Variants in CLHC1 observed in about 807,000 individuals in gnomAD.
CLHC1 encodes the protein clathrin heavy chain linker domain containing 1, also known as clathrin heavy chain linker domain-containing protein 1.
A neutral mutation model predicts 69.5 loss-of-function variants in CLHC1; 72 were observed. The observed-to-expected ratio is 1.04, with a 90% confidence interval of 0.86 to 1.26. CLHC1 has a LOEUF of 1.26. Ranked by LOEUF, CLHC1 falls within the 50% of genes most tolerant of loss-of-function variation. The probability of loss-of-function intolerance (pLI) is 0.00; values close to 1 mark genes in which losing one functional copy is unlikely to be tolerated. For missense variants in CLHC1, 790 were observed against 679.3 expected (o/e 1.16, Z -1.81); for synonymous variants, 223 against 224.3 (o/e 0.99, Z 0.05).
chr2:55,223,764 G>A (rs916444616), intron 2 of CLHC1, among the ~76,000 whole-genome samples: 2 of 152,080 alleles, frequency 1.3e-5, no homozygotes, highest in Admixed American at 6.5e-5. Context: ...AGAGAAGCAG[G>A]GTCAGGTTCA....
At chr2:55,204,542 C>A (rs145505609) in intron 9 of CLHC1, among the ~76,000 whole-genome samples, 6 of 152,048 alleles carry the variant, frequency 3.9e-5, no homozygotes, top group Non-Finnish European at 8.8e-5. Context: ...ACAACCACTA[C>A]GGAAAACACT....
chr2:55,188,589 C>T (rs1402568296), intron 9 of CLHC1, among the ~76,000 whole-genome samples: 3 of 152,040 alleles, frequency 2.0e-5, no homozygotes, highest in Non-Finnish European at 2.9e-5. Flanking sequence ...TCAGAGAGTT[C>T]AATCTTAGAT....
intron 9 of CLHC1, among the ~76,000 whole-genome samples, chr2:55,194,116 G>A (rs905623784): frequency 6.6e-6 from 1 of 152,000 alleles, no homozygotes; most frequent in Non-Finnish European, 1.5e-5. Flanking sequence ...GTTTGGAGAG[G>A]AAGAAGAGGC....
At chr2:55,206,912 C>G (rs1401151403) in intron 8 of CLHC1, 3 of 151,970 alleles carry the variant, frequency 2.0e-5, no homozygotes, top group African/African-American at 7.3e-5. Flanking sequence ...CGAGACCATC[C>G]TGGCTAAGAT....
chr2:55,180,863 T>C (rs1443601114), intron 10 of CLHC1, 151 bp from the exon 11 acceptor site: 5 of 618,100 alleles, frequency 8.1e-6, no homozygotes, highest in Non-Finnish European at 1.4e-5. Flanking sequence ...GATTATGTAA[T>C]TGAAATGATT....
Position 55,208,641 on chromosome 2 carries a change from A to C in CLHC1, c.884T>G (p.Leu295Arg), listed in dbSNP as rs762585120. ...AAATATTTGCCTTTCAATGTAGTGA[A>C]GCATAATTTCAGCTTCTTTTGCCCT... ...PRRAKEAEIM[L>R]HYIERFNELI... The change falls in exon 8 of 13, where the codon CTT becomes CGT. Residue 295 changes from leucine (L) to arginine (R), a missense_variant. Transcript: ENST00000401408. 1 of 1,606,422 alleles carries C rather than the reference A, an allele frequency of 6.2e-7. No homozygotes were observed. The highest frequency in any genetic ancestry group is 1.1e-5 in the South Asian group (1 of 90,760).
At chr2:55,187,864 T>C (rs891728092) in intron 9 of CLHC1, among the ~76,000 whole-genome samples, 1 of 152,102 alleles carries the variant, frequency 6.6e-6, no homozygotes, top group East Asian at 1.9e-4. Context: ...GATATCATAA[T>C]GAGAAAAGAT....
Position 55,175,983 on chromosome 2 carries a change from G to A in CLHC1, c.1568C>T (p.Ala523Val). Residue 523 changes from alanine to valine, a missense_variant, in exon 13 of 13, where the codon GCA (alanine) becomes GTA (valine). Ala to Val is a moderately conservative substitution (Grantham distance 64). Transcript: ENST00000401408. ...LQEINKGGID[A>V]VESLMINDSF... The stretch of plus-strand genomic sequence containing the variant: ...ATCATTTATCATAAGACTTTCTACT[G>A]CATCTGTGGGGAAAAAATACAATAT... 1 of 1,611,108 alleles carries A rather than the reference G, an allele frequency of 6.2e-7. No homozygotes were observed. The highest frequency in any genetic ancestry group is 8.5e-7 in the Non-Finnish European group (1 of 1,177,808).
At chr2:55,219,265 G>T (rs1464161732) in intron 3 of CLHC1, among the ~76,000 whole-genome samples, 3 of 152,132 alleles carry the variant, frequency 2.0e-5, no homozygotes, top group Non-Finnish European at 4.4e-5. Context: ...ATCATGATCA[G>T]CTCCCAAGTC....
chr2:55,214,235 C>G lies in CLHC1; in HGVS notation c.366-1429G>C, dbSNP rs377325150. 2.6e-3 allele frequency among the ~76,000 whole-genome samples: 391 copies of G among 152,220 alleles called. 1 individual carries two copies. Among genetic ancestry groups the G allele is most frequent in the African/African-American group, 9.1e-3 (378 of 41,518 alleles). ...AAATTAAAAACAAGTTTGGGCTGGG[C>G]GCGGTGGCTCATGCCTGTAATCCCA... On this transcript the variant is annotated intron_variant, in intron 4 of 12. Transcript: ENST00000401408.
rs1283095044 is a variant in CLHC1, at chr2:55,177,681, A to T, written c.1485T>A (p.Leu495=). The T allele has an allele frequency of 1.2e-6, 2 of 1,613,448 alleles. No homozygotes were observed. The highest frequency in any genetic ancestry group is 8.5e-7 in the Non-Finnish European group (1 of 1,179,494). The change falls in exon 12 of 13, where the codon CTT becomes CTA. Residue 495 remains leucine, a synonymous_variant. Transcript: ENST00000401408. ...NEKQPSLSFG[L]AILHLFSADM... Reference sequence around the variant, plus strand: ...CTGCAGAGAACAGATGAAGTATAGCAAGACCAAAAGATAAAGATGGTTGTT... The same window carrying T: ...CTGCAGAGAACAGATGAAGTATAGCTAGACCAAAAGATAAAGATGGTTGTT...
In CLHC1 at chr2:55,222,500, G is replaced by GA. The variant is rs552865658; in HGVS notation, c.-82-8dup. 3 of 856,164 alleles carry GA rather than the reference G, an allele frequency of 3.5e-6. No individual in the cohort carries two copies. Among genetic ancestry groups the GA allele is most frequent in the East Asian group, 2.6e-5 (1 of 37,752 alleles). 53.0% of individuals were successfully genotyped at this position (856,164 alleles called of 1,614,324 possible). A position where few individuals can be genotyped will look rare whatever the true frequency, so the allele number is the denominator to read the frequency against. ...AGCCAAAACTTTGATAAGCCTGAAA[G>GA]AAAAAAAGAGCATCAATTAATATAA... is the stretch of plus-strand genomic sequence containing the variant. On this transcript the variant is annotated splice_polypyrimidine_tract_variant and splice_region_variant and intron_variant, in intron 2 of 12. Transcript: ENST00000401408.
intron 9 of CLHC1, among the ~76,000 whole-genome samples, chr2:55,194,243 G>T (rs1480853235): frequency 6.6e-6 from 1 of 152,054 alleles, no homozygotes; most frequent in Non-Finnish European, 1.5e-5. Context: ...ATTAAATTTT[G>T]TGGAGTTTTT....
intron 2 of CLHC1, among the ~76,000 whole-genome samples, chr2:55,227,054 C>T (rs1674776926): frequency 6.6e-6 from 1 of 151,998 alleles, no homozygotes; most frequent in Admixed American, 6.6e-5. Flanking sequence ...TAAATACTGC[C>T]CATAGCCATA....
At chr2:55,182,318 T>A (rs915249474) in intron 9 of CLHC1, among the ~76,000 whole-genome samples, 1 of 152,126 alleles carries the variant, frequency 6.6e-6, no homozygotes, top group African/African-American at 2.4e-5. Context: ...TTGAAAATAA[T>A]TCAATGAGGA....
At chr2:55,188,768 G>A (rs1670652955) in intron 9 of CLHC1, among the ~76,000 whole-genome samples, 1 of 151,678 alleles carries the variant, frequency 6.6e-6, no homozygotes, top group African/African-American at 2.4e-5. Context: ...ACAGCTACAT[G>A]TAGAAACAAG....
rs117153384 is a variant in CLHC1, at chr2:55,227,400, C to G, written c.-83+632G>C. ...AATAATTTCAAATAGTAAAAGATAA[C>G]CAGGCGCGGTGGCTCACGCCTATAA... On this transcript the variant is annotated intron_variant, in intron 2 of 12. Coordinates refer to ENST00000401408, the MANE Select transcript of CLHC1 (RefSeq NM_152385.4). 2.2e-3 allele frequency among the ~76,000 whole-genome samples: 340 copies of G among 152,082 alleles called. 4 individuals are homozygous for G. In the East Asian group the frequency reaches 0.033, roughly 15 times the overall value.
At chr2:55,214,173 A>G (rs1673270998) in intron 4 of CLHC1, among the ~76,000 whole-genome samples, 1 of 152,190 alleles carries the variant, frequency 6.6e-6, no homozygotes, top group Non-Finnish European at 1.5e-5. Flanking sequence ...CAGGAAGAGA[A>G]TTTTTGTCAA....
chr2:55,220,244 C>A (rs1356476650), intron 3 of CLHC1, among the ~76,000 whole-genome samples: 2 of 152,056 alleles, frequency 1.3e-5, no homozygotes, highest in Admixed American at 1.3e-4. Flanking sequence ...TTCCAAATAC[C>A]CAGAGATGCA....
Sources: gnomAD v4.1 joint callset for allele counts (sites outside exome capture counted in the v4.1 genomes callset) on GRCh38, gnomAD v4.1.1 for gene constraint, MANE v1.5 for transcripts, NCBI Gene and HGNC (gene_info 2026-07-23, HGNC 2026-07-21) for gene names.